The following MAP3K13 variants were observed in gnomAD, a reference collection of about 807,000 sequenced individuals.
MAP3K13 encodes the protein leucine zipper-bearing kinase.
MAP3K13 carries 52 observed loss-of-function variants against 104.0 expected under a neutral mutation model. That is an observed-to-expected ratio of 0.50 (90% confidence interval 0.40 to 0.63). MAP3K13 has a LOEUF of 0.63. Among genes scored for constraint, MAP3K13 ranks in the 20% least tolerant of loss-of-function variants. The probability of loss-of-function intolerance (pLI) is 0.00; values close to 1 mark genes in which losing one functional copy is unlikely to be tolerated. For missense variants in MAP3K13, 914 were observed against 1,218.5 expected (o/e 0.75, Z 3.72); for synonymous variants, 394 against 442.2 (o/e 0.89, Z 1.37).
intron 1 of MAP3K13, among the ~76,000 whole-genome samples, chr3:185,390,088 A>G (rs1303960774): frequency 6.6e-6 from 1 of 152,182 alleles, no homozygotes; most frequent in Non-Finnish European, 1.5e-5. Flanking sequence ...AAACAGGAAA[A>G]TAATATCTTA....
intron 2 of MAP3K13, among the ~76,000 whole-genome samples, chr3:185,429,609 CTGTT>C (rs1345314339): frequency 1.3e-5 from 2 of 151,994 alleles, no homozygotes; most frequent in African/African-American, 4.8e-5. Context: ...CAGAGTGAGA[CTGTT>C]TCTCTAAAAT....
At chr3:185,463,459 G>T (rs1034642222) in intron 7 of MAP3K13, 91 bp from the exon 8 acceptor site, 16 of 702,122 alleles carry the variant, frequency 2.3e-5, no homozygotes, top group Admixed American at 1.7e-4. Flanking sequence ...GTAGAAGCAT[G>T]CAGGGAAAAA....
intron 1 of MAP3K13, among the ~76,000 whole-genome samples, chr3:185,408,428 C>T (rs1267529713): frequency 3.3e-5 from 5 of 152,098 alleles, no homozygotes; most frequent in East Asian, 3.9e-4. Flanking sequence ...AAAAATTAGC[C>T]GGGCATGGTG....
rs558948622 is a variant in MAP3K13, at chr3:185,484,467, C to T, written c.*2011C>T. 3 of 152,338 alleles carry T rather than the reference C, an allele frequency of 2.0e-5. No homozygotes were observed. Among genetic ancestry groups the T allele is most frequent in the African/African-American group, 7.2e-5 (3 of 41,574 alleles). The allele number at this position is 152,338 out of a possible 1,614,324, so 9.4% of individuals were successfully genotyped here. A position where few individuals can be genotyped will look rare whatever the true frequency, so the allele number is the denominator to read the frequency against. On this transcript the variant is annotated 3_prime_UTR_variant, in exon 14 of 14. Coordinates refer to ENST00000265026, the MANE Select transcript of MAP3K13 (RefSeq NM_004721.5). Reference sequence around the variant, plus strand: ...TGTTGGACGTTAGGAAATACTTGCACAGACAGCTGTTAAACCATTTCCAAT... The same window carrying T: ...TGTTGGACGTTAGGAAATACTTGCATAGACAGCTGTTAAACCATTTCCAAT...
rs1210122738 is a variant in MAP3K13, at chr3:185,418,976, C to T, written c.-85-9521C>T. 6.6e-6 allele frequency among the ~76,000 whole-genome samples: 1 copy of T among 151,490 alleles called. No individual in the cohort carries two copies. The highest frequency in any genetic ancestry group is 2.4e-5 in the African/African-American group (1 of 41,260). The stretch of plus-strand genomic sequence containing the variant: ...TCATTAACTTTTGTTTGCTCATTGT[C>T]GTCTTTTTAAGTTCACTTTTATTTT... On this transcript the variant is annotated intron_variant, in intron 1 of 13. Coordinates refer to ENST00000265026, the MANE Select transcript of MAP3K13 (RefSeq NM_004721.5). This position sits in a 1 kb window ranked among gnomAD's most constrained non-coding sequence, Gnocchi z 4.5.
In MAP3K13 at chr3:185,482,055, G is replaced by A. The variant is rs1439449270; in HGVS notation, c.2800-300G>A. Among the ~76,000 whole-genome samples the A allele has an allele frequency of 6.6e-6, 1 of 152,238 alleles. No individual in the cohort carries two copies. The highest frequency in any genetic ancestry group is 1.9e-4 in the East Asian group (1 of 5,202). On this transcript the variant is annotated intron_variant, in intron 13 of 13. Coordinates refer to ENST00000265026, the MANE Select transcript of MAP3K13 (RefSeq NM_004721.5). The surrounding 1 kb of genome is among the most constrained non-coding windows in gnomAD (Gnocchi z 4.5). ...GCCAAGATCGTGCCACTGCACTCCA[G>A]CCTGGGCGACAGAGTGAGACTCCAT...
chr3:185,350,326 C>A (rs1168530507), intron 2 of MAP3K13, among the ~76,000 whole-genome samples: 1 of 152,188 alleles, frequency 6.6e-6, no homozygotes, highest in Admixed American at 6.5e-5. Flanking sequence ...GCTGGGATTA[C>A]AGGCATGCAT....
rs1718759559 is a variant in MAP3K13, at chr3:185,487,195, TCA to T, written c.*4741_*4742del. On this transcript the variant is annotated 3_prime_UTR_variant, in exon 14 of 14. Coordinates refer to ENST00000265026, the MANE Select transcript of MAP3K13 (RefSeq NM_004721.5). Reference sequence around the variant, plus strand: ...TGGGGGGGGGTGAGGGCGCAGGATCTCACTCTGTCACCAGGTTGGAGTACAGT... The same window carrying T: ...TGGGGGGGGGTGAGGGCGCAGGATCTCTCTGTCACCAGGTTGGAGTACAGT... The T allele has an allele frequency of 6.6e-6, 1 of 151,864 alleles. No individual in the cohort carries two copies. The highest frequency in any genetic ancestry group is 2.4e-5 in the African/African-American group (1 of 41,276). The allele number at this position is 151,864 out of a possible 1,614,324, so 9.4% of individuals were successfully genotyped here. A position where few individuals can be genotyped will look rare whatever the true frequency, so the allele number is the denominator to read the frequency against.
At chr3:185,422,239 T>C (rs1022687911) in intron 1 of MAP3K13, among the ~76,000 whole-genome samples, 2 of 152,224 alleles carry the variant, frequency 1.3e-5, no homozygotes, top group Non-Finnish European at 2.9e-5. Flanking sequence ...TTTGTTTCTC[T>C]TCAAATAAAC....
At chr3:185,455,659 T>TATATATGATATATATGTCATATATATC (rs1560120219) in intron 7 of MAP3K13, among the ~76,000 whole-genome samples, 1 of 21,628 alleles carries the variant, frequency 4.6e-5, no homozygotes, top group African/African-American at 1.1e-4. Context: ...ATATATATGA[T>TATATATGATATATATGTCATATATATC]ATATATATGA....
At chr3:185,388,708 A>G (rs1009616313) in intron 1 of MAP3K13, among the ~76,000 whole-genome samples, 8 of 152,146 alleles carry the variant, frequency 5.3e-5, no homozygotes, top group Non-Finnish European at 1.2e-4. Flanking sequence ...CGGAACCACA[A>G]AAGACCCTGA....
At position 185,295,926 on chromosome 3, in the gene MAP3K13, G is replaced by A. The variant is rs543685076; in HGVS notation, c.-86+10283G>A. 6.7e-4 allele frequency among the ~76,000 whole-genome samples: 102 copies of A among 152,208 alleles called. No individual in the cohort carries two copies. The Middle Eastern group carries it at 0.01, about 15-fold the overall frequency. On this transcript the variant is annotated intron_variant, in intron 2 of 14. Coordinates refer to the MAP3K13 transcript ENST00000424227. ...GATATTTCAGTACTGTAAGTTCTGG[G>A]TTGTTTAACTTCCTCTGTTCAAAAC...
At chr3:185,455,763 A>C (rs1199577507) in intron 7 of MAP3K13, among the ~76,000 whole-genome samples, 8 of 97,098 alleles carry the variant, frequency 8.2e-5, no homozygotes, top group Admixed American at 2.7e-4. Flanking sequence ...TATATATGAG[A>C]TATATATATG....
At chr3:185,337,929 A>T (rs1390029047) in intron 2 of MAP3K13, among the ~76,000 whole-genome samples, 2 of 152,196 alleles carry the variant, frequency 1.3e-5, no homozygotes, top group East Asian at 3.8e-4. Flanking sequence ...AAACAAGCTC[A>T]TCAAGGAAAG....
At chr3:185,403,570 C>T (rs894555438) in intron 1 of MAP3K13, among the ~76,000 whole-genome samples, 1 of 152,116 alleles carries the variant, frequency 6.6e-6, no homozygotes, top group Non-Finnish European at 1.5e-5. Flanking sequence ...TGGTAATCAT[C>T]ACAATGTACA....
chr3:185,386,774 A>G (rs1450184790), intron 1 of MAP3K13, among the ~76,000 whole-genome samples: 2 of 152,236 alleles, frequency 1.3e-5, no homozygotes, highest in Non-Finnish European at 2.9e-5. Context: ...GCTGGAGGCC[A>G]TTATCTTTAG....
chr3:185,384,053 G>A (rs780992471), intron 1 of MAP3K13, among the ~76,000 whole-genome samples: 6 of 151,946 alleles, frequency 3.9e-5, no homozygotes, highest in South Asian at 2.1e-4. Context: ...TTCCTTCTTC[G>A]TAACAGTATG....
At chr3:185,308,009 C>CTTT (rs33949195) in intron 2 of MAP3K13, among the ~76,000 whole-genome samples, 3,767 of 31,404 alleles carry the variant, frequency 0.12, 299 homozygotes, top group Non-Finnish European at 0.15. Flanking sequence ...TCTTTGGGGT[C>CTTT]TTTTTTTTTT....
intron 7 of MAP3K13, among the ~76,000 whole-genome samples, chr3:185,459,513 T>G (rs1027464529): frequency 6.6e-6 from 1 of 152,126 alleles, no homozygotes; most frequent in Non-Finnish European, 1.5e-5. Context: ...AGTGGTGTGA[T>G]CTCAGCCCAC....
Sources: allele counts gnomAD v4.1 joint callset (sites outside exome capture counted in the v4.1 genomes callset), GRCh38; gene constraint gnomAD v4.1.1; non-coding constraint Gnocchi (gnomAD v3.1); transcripts MANE v1.5; gene names NCBI Gene and HGNC (gene_info 2026-07-23, HGNC 2026-07-21).